Variants in ITSN1 observed in about 807,000 individuals in gnomAD.
ITSN1 encodes the protein intersectin 1, also known as intersectin-1.
In ITSN1, 58 loss-of-function variants were observed where a neutral mutation model predicts 239.8. The ratio of observed to expected loss-of-function variants is 0.24; its 90% CI spans 0.20 to 0.30. The LOEUF is 0.30. Among genes scored for constraint, ITSN1 ranks in the 10% least tolerant of loss-of-function variants. ITSN1 has a pLI of 1.00. For synonymous variants in ITSN1, 780 were observed against 770.8 expected, an observed-to-expected ratio of 1.01 and a Z score of -0.20; for missense variants, 1,558 against 2,103.3, an observed-to-expected ratio of 0.74 and a Z score of 5.07.
In ITSN1 at chr21:33,662,766, CAT is replaced by C. The variant is rs567919841; in HGVS notation, c.-33+20054_-33+20055del. ...GACCCACACTGCCCCTCATGTCACA[CAT>C]GTTTCTGCACGTACACAGGATGAGT... is the stretch of plus-strand genomic sequence containing the variant. On this transcript the variant is annotated intron_variant, in intron 1 of 39. Transcript: ENST00000381318. Among the ~76,000 whole-genome samples the C allele has an allele frequency of 1.3e-4, 20 of 152,292 alleles. No homozygotes were observed. The South Asian group carries it at 2.5e-3, about 19-fold the overall frequency.
rs1041515767 is a variant in ITSN1 at position 33,780,181 on chromosome 21, G to T, written c.1597-1280G>T. Among the ~76,000 whole-genome samples, 10 of 152,236 alleles carry T rather than the reference G, an allele frequency of 6.6e-5. No homozygotes were observed. The South Asian group carries it at 2.1e-3, about 32-fold the overall frequency. On this transcript the variant is annotated intron_variant, in intron 14 of 39. Transcript: ENST00000381318. ...AAAATATTCTCCTGGAAAATTTAGGGATGAAGGCCATGTGTTTATTAAACT... is the reference window on the plus strand; with the variant it reads ...AAAATATTCTCCTGGAAAATTTAGGTATGAAGGCCATGTGTTTATTAAACT...
At chr21:33,654,871 G>C (rs1242196105) in intron 1 of ITSN1, among the ~76,000 whole-genome samples, 1 of 152,174 alleles carries the variant, frequency 6.6e-6, no homozygotes, top group Non-Finnish European at 1.5e-5. Flanking sequence ...CTTCCAGTCT[G>C]TTCTTGGTCC....
intron 4 of ITSN1, among the ~76,000 whole-genome samples, chr21:33,725,008 G>A (rs1401551327): frequency 2.0e-5 from 3 of 150,106 alleles, no homozygotes; most frequent in South Asian, 2.1e-4. Context: ...GGTGGCCCAC[G>A]TCTGTAATCT....
intron 1 of ITSN1, among the ~76,000 whole-genome samples, chr21:33,655,708 C>T (rs1045275072): frequency 6.6e-6 from 1 of 150,884 alleles, no homozygotes; most frequent in African/African-American, 2.4e-5. Context: ...GCTGGAATTA[C>T]AGGCGTGAGC....
chr21:33,676,855 C>G (rs1227546951), intron 1 of ITSN1, among the ~76,000 whole-genome samples: 1 of 152,080 alleles, frequency 6.6e-6, no homozygotes, highest in Admixed American at 6.6e-5. Flanking sequence ...GTGAACTCAT[C>G]CTTTTCTATG....
At chr21:33,845,425 C>T (rs1043979157) in intron 29 of ITSN1, among the ~76,000 whole-genome samples, 9 of 152,128 alleles carry the variant, frequency 5.9e-5, no homozygotes, top group South Asian at 2.1e-4. Flanking sequence ...GCTTCCCCCA[C>T]GCTGCAGGCA....
intron 5 of ITSN1, among the ~76,000 whole-genome samples, chr21:33,749,446 C>T (rs2067403429): frequency 1.3e-5 from 2 of 151,952 alleles, no homozygotes; most frequent in Non-Finnish European, 2.9e-5. Context: ...AGTTTGAGAC[C>T]ATCCTGGCCA....
intron 33 of ITSN1, among the ~76,000 whole-genome samples, chr21:33,874,650 C>CTTTTTTTTTTTTTTTTTT (rs146318076): frequency 7.2e-6 from 1 of 138,814 alleles, no homozygotes. Context: ...TTTTCTTTTT[C>CTTTTTTTTTTTTTTTTTT]TTTCTTTTTT....
At chr21:33,647,204 G>A (rs1183909640) in intron 1 of ITSN1, among the ~76,000 whole-genome samples, 1 of 152,118 alleles carries the variant, frequency 6.6e-6, no homozygotes, top group Admixed American at 6.5e-5. Context: ...AAAGATAATT[G>A]TTTTATGGTA....
chr21:33,811,305 G>A, intron 21 of ITSN1, 83 bp downstream of exon 21: 1 of 1,341,170 alleles, frequency 7.5e-7, no homozygotes, highest in Non-Finnish European at 1.0e-6. Flanking sequence ...TATTTTCATA[G>A]TCTTGGATTG....
chr21:33,784,390 C>T (rs1214449515), intron 16 of ITSN1, among the ~76,000 whole-genome samples: 1 of 150,968 alleles, frequency 6.6e-6, no homozygotes, highest in Non-Finnish European at 1.5e-5. Context: ...GTAGTCCCAG[C>T]TACTTGGGAA....
At chr21:33,650,911 A>T (rs992132005) in intron 1 of ITSN1, among the ~76,000 whole-genome samples, 1 of 152,122 alleles carries the variant, frequency 6.6e-6, no homozygotes, top group Non-Finnish European at 1.5e-5. Flanking sequence ...TTATTTTTAG[A>T]CCCCTTCAGA....
chr21:33,888,324 G>A lies in ITSN1; in HGVS notation c.*24G>A, dbSNP rs1414543889. 6.3e-7 allele frequency: 1 copy of A among 1,598,630 alleles called. No homozygotes were observed. Among genetic ancestry groups the A allele is most frequent in the South Asian group, 1.1e-5 (1 of 89,672 alleles). On this transcript the variant is annotated 3_prime_UTR_variant, in exon 40 of 40. Transcript: ENST00000381318. ...AGGCAGCGGGCTCAGGGTGTGCTCA[G>A]CAGGGTCCCAGCCCACGGCCACACA...
chr21:33,673,326 A>G (rs928075668), intron 1 of ITSN1, among the ~76,000 whole-genome samples: 1 of 152,326 alleles, frequency 6.6e-6, no homozygotes, highest in South Asian at 2.1e-4. Flanking sequence ...AATATTTAGC[A>G]TGATGACTCT....
At chr21:33,676,474 C>A (rs1050630275) in intron 1 of ITSN1, among the ~76,000 whole-genome samples, 1 of 152,188 alleles carries the variant, frequency 6.6e-6, no homozygotes, top group Non-Finnish European at 1.5e-5. Flanking sequence ...GCAAACCTCC[C>A]ACCTCAGCCT....
intron 1 of ITSN1, among the ~76,000 whole-genome samples, chr21:33,703,047 C>T (rs1006002173): frequency 1.3e-5 from 2 of 151,714 alleles, no homozygotes; most frequent in Non-Finnish European, 2.9e-5. Context: ...GATCGCACCA[C>T]TGCACTCCAG....
intron 10 of ITSN1, among the ~76,000 whole-genome samples, chr21:33,767,205 A>C (rs1362075520): frequency 6.6e-6 from 1 of 151,946 alleles, no homozygotes; most frequent in African/African-American, 2.4e-5. Flanking sequence ...TAAATAAATA[A>C]ATAAATAAAA....
At chr21:33,745,509 T>G (rs951476132) in intron 5 of ITSN1, among the ~76,000 whole-genome samples, 5 of 152,194 alleles carry the variant, frequency 3.3e-5, no homozygotes, top group Non-Finnish European at 7.3e-5. Flanking sequence ...TGAGAATCAT[T>G]TATGCCTGAA....
At chr21:33,645,065 C>G (rs1039064761) in intron 1 of ITSN1, among the ~76,000 whole-genome samples, 3 of 152,114 alleles carry the variant, frequency 2.0e-5, no homozygotes, top group Admixed American at 1.3e-4. Context: ...AAACGATTCT[C>G]CCACCTAGGC....
Sources: allele counts gnomAD v4.1 joint callset (sites outside exome capture counted in the v4.1 genomes callset), GRCh38; gene constraint gnomAD v4.1.1; transcripts MANE v1.5; gene names NCBI Gene and HGNC (gene_info 2026-07-23, HGNC 2026-07-21).